CYP7B1: variants seen among roughly 807,000 people sequenced by gnomAD.
CYP7B1 encodes cytochrome P450 7B1.
A neutral mutation model predicts 42.7 loss-of-function variants in CYP7B1; 29 were observed. That is an observed-to-expected ratio of 0.68 (90% CI 0.51 to 0.93). The LOEUF (loss-of-function observed/expected upper bound fraction) is 0.93. Ranked by LOEUF, CYP7B1 falls within the 40% of genes least tolerant of loss-of-function variation. The pLI is 0.00. For missense variants in CYP7B1, 655 were observed against 600.5 expected (o/e 1.09, Z -0.95); for synonymous variants, 235 against 218.2 (o/e 1.08, Z -0.68).
intron 1 of CYP7B1, among the ~76,000 whole-genome samples, chr8:64,652,161 T>C (rs1472470271): frequency 2.0e-5 from 3 of 152,224 alleles, no homozygotes; most frequent in Non-Finnish European, 2.9e-5. Flanking sequence ...TAGCCTATGA[T>C]CTCTCCAAAT....
At chr8:64,620,963 T>C (rs1359149082) in intron 2 of CYP7B1, among the ~76,000 whole-genome samples, 2 of 152,230 alleles carry the variant, frequency 1.3e-5, no homozygotes, top group African/African-American at 4.8e-5. Context: ...TTCTGCATAA[T>C]CATCTTAGGT....
intron 1 of CYP7B1, among the ~76,000 whole-genome samples, chr8:64,634,794 T>A (rs1805746745): frequency 6.6e-6 from 1 of 152,112 alleles, no homozygotes; most frequent in African/African-American, 2.4e-5. Flanking sequence ...AGAACCTACC[T>A]GAACTGTACT....
At chr8:64,735,602 G>A (rs1403459248) in intron 1 of CYP7B1, among the ~76,000 whole-genome samples, 1 of 152,096 alleles carries the variant, frequency 6.6e-6, no homozygotes, top group Non-Finnish European at 1.5e-5. Context: ...ATGTATACAT[G>A]AGGTATACAT....
downstream of CYP7B1, among the ~76,000 whole-genome samples, chr8:64,586,960 G>C (rs1193025992): frequency 6.6e-6 from 1 of 152,184 alleles, no homozygotes; most frequent in African/African-American, 2.4e-5. Flanking sequence ...GAAAAACAAG[G>C]AGTCAGTAAC....
chr8:64,657,342 G>GA (rs538688197), intron 1 of CYP7B1, among the ~76,000 whole-genome samples: 7 of 151,676 alleles, frequency 4.6e-5, no homozygotes, highest in South Asian at 2.1e-4. Flanking sequence ...TTTCCCTTGG[G>GA]AAAAAAAAGC....
At chr8:64,696,978 C>T (rs936614622) in intron 1 of CYP7B1, among the ~76,000 whole-genome samples, 2 of 152,144 alleles carry the variant, frequency 1.3e-5, no homozygotes, top group African/African-American at 4.8e-5. Context: ...AGTAAAAGTG[C>T]TGTGAAATTG....
In CYP7B1 at chr8:64,664,319, C is replaced by T. The variant is rs1489000563; in HGVS notation, c.123-39780G>A. Reference sequence around the variant, plus strand: ...ATATATATTTACACACATACATATACACAAAACTACTGCTTCTGGCTCAAT... The same window carrying T: ...ATATATATTTACACACATACATATATACAAAACTACTGCTTCTGGCTCAAT... On this transcript the variant is annotated intron_variant, in intron 1 of 5. Transcript: ENST00000310193. Among the ~76,000 whole-genome samples, 3 of 152,216 alleles carry T rather than the reference C, an allele frequency of 2.0e-5. No individual in the cohort carries two copies. The East Asian group carries it at 5.8e-4, about 29-fold the overall frequency.
At chr8:64,626,282 C>T (rs1805609348) in intron 1 of CYP7B1, among the ~76,000 whole-genome samples, 1 of 152,174 alleles carries the variant, frequency 6.6e-6, no homozygotes, top group Non-Finnish European at 1.5e-5. Flanking sequence ...ACCAAAGCAG[C>T]TCACTGCCAG....
intron 1 of CYP7B1, among the ~76,000 whole-genome samples, chr8:64,753,371 C>T (rs61028788): frequency 0.25 from 37,504 of 152,128 alleles, 5,327 homozygotes; most frequent in African/African-American, 0.39. Context: ...ATCACATCAG[C>T]TCTCCTTGCT....
Position 64,615,213 on chromosome 8 carries a change from G to C in CYP7B1, c.870C>G (p.Leu290=). 6.2e-7 allele frequency: 1 copy of C among 1,613,158 alleles called. No homozygotes were observed. Among genetic ancestry groups the C allele is most frequent in the African/African-American group, 1.3e-5 (1 of 74,984 alleles). ...GAATAGTGTTTGCCACAGAGGCCCA[G>C]AGAAAGCCTAAATGATGTGCTGGGA... is the stretch of plus-strand genomic sequence containing the variant. The part of the protein sequence containing the change: ...LEIGAHHLGF[L]WASVANTIPT... The change falls in exon 4 of 6, where the codon CTC becomes CTG. Residue 290 remains leucine (L), a synonymous_variant. Transcript: ENST00000310193.
At chr8:64,734,008 A>G (rs1221579066) in intron 1 of CYP7B1, among the ~76,000 whole-genome samples, 1 of 152,082 alleles carries the variant, frequency 6.6e-6, no homozygotes, top group African/African-American at 2.4e-5. Context: ...AAATAAAAAT[A>G]AAAGTCACTT....
At chr8:64,607,212 T>G (rs1392163478) in intron 4 of CYP7B1, among the ~76,000 whole-genome samples, 1 of 152,316 alleles carries the variant, frequency 6.6e-6, no homozygotes, top group East Asian at 1.9e-4. Context: ...GCTAAACTTC[T>G]TTGTGCAAGC....
rs866150323 is a variant in CYP7B1, at chr8:64,615,754, C to G, written c.787G>C (p.Val263Leu). 8 of 1,613,652 alleles carry G rather than the reference C, an allele frequency of 5.0e-6. No homozygotes were observed. The highest frequency in any genetic ancestry group is 4.2e-6 in the Non-Finnish European group (5 of 1,179,776). Residue 263 changes from valine (V) to leucine (L), a missense_variant, in exon 3 of 6, where the codon GTT (valine) becomes CTT (leucine). By Grantham distance (32) the Val-to-Leu change is conservative. Transcript: ENST00000310193. Reference protein sequence around the residue: ...KLAKMQGWSEVFQSRQDVLEK... With the variant: ...KLAKMQGWSELFQSRQDVLEK... ...AGGACATCTTGCCTGCTTTGAAAAACTTCTGACCATCCTTGCATCTTGGCT... is the reference window on the plus strand; with the variant it reads ...AGGACATCTTGCCTGCTTTGAAAAAGTTCTGACCATCCTTGCATCTTGGCT...
chr8:64,614,308 TAGTCACTACCAACCTC>T (rs1295379921), intron 4 of CYP7B1, among the ~76,000 whole-genome samples: 1 of 152,140 alleles, frequency 6.6e-6, no homozygotes, highest in Non-Finnish European at 1.5e-5. Context: ...AAAAAAACCT[TAGTCACTACCAACCTC>T]AAACATACTT....
chr8:64,775,152 T>G (rs1266633825), intron 1 of CYP7B1, among the ~76,000 whole-genome samples: 1 of 150,722 alleles, frequency 6.6e-6, no homozygotes, highest in African/African-American at 2.4e-5. Context: ...ATAAATTCCA[T>G]AAAAAAAAAC....
intron 1 of CYP7B1, among the ~76,000 whole-genome samples, chr8:64,694,431 CA>C (rs1197405041): frequency 6.6e-6 from 1 of 152,092 alleles, no homozygotes; most frequent in Non-Finnish European, 1.5e-5. Context: ...TAAGGAAGAA[CA>C]GGGGAATTCT....
Position 64,709,575 on chromosome 8 carries a change from A to G in CYP7B1, c.123-85036T>C, listed in dbSNP as rs78913108. Reference sequence around the variant, plus strand: ...CCTGGGATTTATAAGACTGTTCATAAAAATCTGGACTGTTTTCTATTATCA... The same window carrying G: ...CCTGGGATTTATAAGACTGTTCATAGAAATCTGGACTGTTTTCTATTATCA... On this transcript the variant is annotated intron_variant, in intron 1 of 5. Coordinates refer to ENST00000310193, the MANE Select transcript of CYP7B1 (RefSeq NM_004820.5). Among the ~76,000 whole-genome samples, 1,497 of 152,330 alleles carry G rather than the reference A, an allele frequency of 9.8e-3. 23 individuals are homozygous for G. The highest frequency in any genetic ancestry group is 0.034 in the African/African-American group (1,412 of 41,574).
intron 1 of CYP7B1, among the ~76,000 whole-genome samples, chr8:64,644,322 T>G (rs116521293): frequency 0.013 from 1,978 of 151,968 alleles, 45 homozygotes; most frequent in African/African-American, 0.045. Context: ...CTCCTGTTAA[T>G]ATTGGTATTT....
chr8:64,781,800 CTG>C (rs1804428412), intron 1 of CYP7B1, among the ~76,000 whole-genome samples: 1 of 152,298 alleles, frequency 6.6e-6, no homozygotes, highest in South Asian at 2.1e-4. Flanking sequence ...ATGGCTATCT[CTG>C]GAGCTGAGAA....
Sources: allele counts gnomAD v4.1 joint callset (sites outside exome capture counted in the v4.1 genomes callset), GRCh38; gene constraint gnomAD v4.1.1; transcripts MANE v1.5; gene names NCBI Gene and HGNC (gene_info 2026-07-23, HGNC 2026-07-21).